Variants in ACSL4 observed in about 807,000 individuals in gnomAD.
ACSL4 encodes long-chain-fatty-acid--CoA ligase 4.
Under a neutral mutation model 49.1 loss-of-function variants are expected in ACSL4, and 9 were observed. The observed-to-expected ratio is 0.18, with a 90% CI of 0.11 to 0.32. ACSL4 has a LOEUF of 0.32. ACSL4 is among the 10% of genes least tolerant of loss of function. The pLI is 1.00. For synonymous variants in ACSL4, 191 were observed against 170.3 expected, an observed-to-expected ratio of 1.12 and a Z score of -0.95; for missense variants, 333 against 493.7, an observed-to-expected ratio of 0.67 and a Z score of 3.08.
intron 2 of ACSL4, among the ~76,000 whole-genome samples, chrX:109,692,741 A>G (rs1469384119): frequency 1.8e-5 from 2 of 112,182 alleles, no homozygotes; most frequent in Non-Finnish European, 3.8e-5. Flanking sequence ...TTATCTACAA[A>G]GTCTTCGATT....
intron 15 of ACSL4, among the ~76,000 whole-genome samples, chrX:109,646,937 TA>T (rs1934740690): frequency 8.9e-6 from 1 of 111,773 alleles, no homozygotes; most frequent in South Asian, 3.8e-4. Context: ...GGCCATCACA[TA>T]ATGGTAAAGG....
Position 109,678,503 on chromosome X carries a change from C to T in ACSL4, c.656-88G>A, listed in dbSNP as rs1437215317. On this transcript the variant is annotated intron_variant, in intron 6 of 15. Coordinates refer to ENST00000672401, the MANE Select transcript of ACSL4 (RefSeq NM_001318510.2). ...AATAGGATATTTAGATTTTGCATAA[C>T]GATAAGCTATCAATAGACAGTATTT... 1.7e-5 allele frequency: 18 copies of T among 1,067,851 alleles called. No homozygotes were observed. In the South Asian group the frequency reaches 1.7e-4, roughly 10 times the overall value. 88.0% of individuals were successfully genotyped at this position (1,067,851 alleles called of 1,213,427 possible).
intron 1 of ACSL4, among the ~76,000 whole-genome samples, chrX:109,709,644 T>C (rs1926607998): frequency 1.8e-5 from 2 of 112,855 alleles, no homozygotes; most frequent in South Asian, 7.2e-4. Context: ...AGAATACAGC[T>C]GCTACGCATA....
At chrX:109,686,285 C>T (rs1163831335) in intron 2 of ACSL4, among the ~76,000 whole-genome samples, 6 of 112,192 alleles carry the variant, frequency 5.3e-5, no homozygotes, top group East Asian at 5.6e-4. Flanking sequence ...TAGTTCTCAA[C>T]CATATCAAAC....
At position 109,670,674 on chromosome X, in the gene ACSL4, G is replaced by C. The variant is rs771934340; in HGVS notation, c.1003-1501C>G. ...CTTTGCACGGTCTCCCTCTGATGCC[G>C]AGCGGAGGCTGGACTGTACTGCCGC... On this transcript the variant is annotated intron_variant, in intron 9 of 15. Transcript: ENST00000672401. Among the ~76,000 whole-genome samples the C allele has an allele frequency of 5.5e-5, 6 of 109,601 alleles. No homozygotes were observed. In the East Asian group the frequency reaches 8.7e-4, roughly 16 times the overall value.
At chrX:109,664,279 C>T (rs1235406493) in intron 12 of ACSL4, among the ~76,000 whole-genome samples, 3 of 111,551 alleles carry the variant, frequency 2.7e-5, no homozygotes, top group African/African-American at 9.8e-5. Context: ...CATTAAGGCC[C>T]AGTACCAGGA....
chrX:109,663,233 G>A lies in ACSL4; in HGVS notation c.1560C>T (p.Pro520=), dbSNP rs372276636. The change falls in exon 13 of 16, where the codon CCC becomes CCT. Residue 520 remains proline, a synonymous_variant. Coordinates refer to ENST00000672401, the MANE Select transcript of ACSL4 (RefSeq NM_001318510.2). ...FCTGDIGEFH[P]DGCLQIIDRK... ...GACCTATAATCTGTAAACATCCATC[G>A]GGATGGAATTCTCCAATATCACCAG... The A allele has an allele frequency of 5.1e-5, 61 of 1,203,413 alleles. No individual in the cohort carries two copies. Among genetic ancestry groups the A allele is most frequent in the Middle Eastern group, 4.6e-4 (2 of 4,338 alleles).
At chrX:109,671,245 T>A (rs1923189661) in intron 9 of ACSL4, among the ~76,000 whole-genome samples, 1 of 109,382 alleles carries the variant, frequency 9.1e-6, no homozygotes, top group African/African-American at 3.3e-5. Flanking sequence ...CCGCCCCATC[T>A]GAGATGTGAA....
intron 1 of ACSL4, among the ~76,000 whole-genome samples, chrX:109,711,415 G>C (rs1926741101): frequency 8.9e-6 from 1 of 111,788 alleles, no homozygotes; most frequent in African/African-American, 3.3e-5. Context: ...TTCAATCCCT[G>C]GCTGTGCCAC....
chrX:109,643,917 A>G lies in ACSL4; in HGVS notation c.*112T>C. The G allele has an allele frequency of 4.4e-6, 4 of 904,664 alleles. No individual in the cohort carries two copies. Among genetic ancestry groups the G allele is most frequent in the South Asian group, 2.1e-5 (1 of 48,638 alleles). The allele number at this position is 904,664 out of a possible 1,213,427, so 74.6% of individuals were successfully genotyped here. The stretch of plus-strand genomic sequence containing the variant: ...TTTGGTTTTGTTTTCTTTTTACTCT[A>G]TCTTTAGAATGATATACCTTACATT... On this transcript the variant is annotated 3_prime_UTR_variant, in exon 16 of 16. Transcript: ENST00000672401.
intron 12 of ACSL4, 43 bp downstream of exon 12, chrX:109,665,377 T>C: frequency 9.1e-7 from 1 of 1,095,302 alleles, no homozygotes. Context: ...ACAGTAGTTT[T>C]CAGCATATCT....
intron 1 of ACSL4, among the ~76,000 whole-genome samples, chrX:109,701,004 C>G (rs1314392079): frequency 9.0e-6 from 1 of 111,189 alleles, no homozygotes; most frequent in African/African-American, 3.3e-5. Flanking sequence ...GATCGCACCA[C>G]TGCACTCCAG....
intron 1 of ACSL4, among the ~76,000 whole-genome samples, chrX:109,727,687 GTGTGTGTGTGTGT>G (rs1928118838): frequency 3.9e-5 from 2 of 51,707 alleles, no homozygotes; most frequent in Admixed American, 3.4e-4. Context: ...GTGTGTGTGT[GTGTGTGTGTGTGT>G]GTGTGTGTGT....
intron 15 of ACSL4, among the ~76,000 whole-genome samples, chrX:109,648,766 C>T (rs773354178): frequency 2.7e-4 from 28 of 102,104 alleles, no homozygotes; most frequent in African/African-American, 1.0e-3. Context: ...GATTGTATAT[C>T]TAGAAAACCC....
At chrX:109,652,823 G>T (rs747056287) in intron 15 of ACSL4, among the ~76,000 whole-genome samples, 1 of 111,000 alleles carries the variant, frequency 9.0e-6, no homozygotes, top group Non-Finnish European at 1.9e-5. Context: ...CACTATTTTT[G>T]TAAGTATAAA....
chrX:109,672,920 C>G (rs1249131648), intron 9 of ACSL4, among the ~76,000 whole-genome samples: 1 of 110,583 alleles, frequency 9.0e-6, no homozygotes, highest in African/African-American at 3.3e-5. Context: ...AGTGTGCAGA[C>G]TCTCTATCTT....
At chrX:109,653,149 G>C (rs1310099722) in intron 15 of ACSL4, among the ~76,000 whole-genome samples, 1 of 110,961 alleles carries the variant, frequency 9.0e-6, no homozygotes, top group Non-Finnish European at 1.9e-5. Flanking sequence ...TTGGCAATGA[G>C]GAAAAAAGTC....
intron 15 of ACSL4, among the ~76,000 whole-genome samples, chrX:109,658,815 T>G (rs1211418834): frequency 8.9e-6 from 1 of 111,794 alleles, no homozygotes; most frequent in East Asian, 2.8e-4. Context: ...GATTGTTGTC[T>G]CTCTCATGTG....
At chrX:109,678,655 C>T (rs901597794) in intron 6 of ACSL4, among the ~76,000 whole-genome samples, 1 of 111,646 alleles carries the variant, frequency 9.0e-6, no homozygotes, top group Non-Finnish European at 1.9e-5. Flanking sequence ...CATGGCAAGA[C>T]TCTGTCGCTA....
Sources: allele counts gnomAD v4.1 joint callset (sites outside exome capture counted in the v4.1 genomes callset), GRCh38; gene constraint gnomAD v4.1.1; transcripts MANE v1.5; gene names NCBI Gene and HGNC (gene_info 2026-07-23, HGNC 2026-07-21).